KATNAL2: variants seen among roughly 807,000 people sequenced by gnomAD.
KATNAL2 encodes the protein katanin p60 ATPase-containing subunit A-like 2.
KATNAL2 carries 52 observed loss-of-function variants against 76.3 expected under a neutral mutation model. The ratio of observed to expected loss-of-function variants is 0.68; its 90% CI spans 0.55 to 0.86. The LOEUF (loss-of-function observed/expected upper bound fraction) is 0.86, where lower values mean the gene tolerates loss of function less well. Among genes scored for constraint, KATNAL2 ranks in the 40% least tolerant of loss-of-function variants. The pLI is 0.00. For synonymous variants in KATNAL2, 243 were observed against 244.2 expected (o/e 1.00, Z 0.05); for missense variants, 660 against 668.9 (o/e 0.99, Z 0.15).
chr18:47,034,235 G>C lies in KATNAL2; in HGVS notation c.52-12222G>C, dbSNP rs539553515. ...GGTGGCTTCCCCTCTTGAGTCTCTC[G>C]GTCGTTGGAAAGCTGCTCTTTCTCC... On this transcript the variant is annotated intron_variant, in intron 3 of 17. Transcript: ENST00000683218. 8 of 1,613,916 alleles carry C rather than the reference G, an allele frequency of 5.0e-6. No individual in the cohort carries two copies. In the East Asian group the frequency reaches 1.3e-4, roughly 27 times the overall value.
intron 15 of KATNAL2, among the ~76,000 whole-genome samples, chr18:47,084,694 C>G (rs1003706965): frequency 6.6e-6 from 1 of 151,524 alleles, no homozygotes; most frequent in African/African-American, 2.4e-5. Flanking sequence ...ACTAAAAATA[C>G]AAAAATTACC....
At chr18:46,952,393 GTT>G (rs35596537) in intron 3 of KATNAL2, among the ~76,000 whole-genome samples, 756 of 64,340 alleles carry the variant, frequency 0.012, 2 homozygotes, top group African/African-American at 0.046. Context: ...CTGCAGGTAT[GTT>G]TTTTTTTTTT....
At chr18:47,082,447 G>A (rs1455913946) in intron 15 of KATNAL2, among the ~76,000 whole-genome samples, 9 of 152,114 alleles carry the variant, frequency 5.9e-5, no homozygotes, top group African/African-American at 1.9e-4. Flanking sequence ...ATAGAGATAA[G>A]CTGACACATA....
chr18:47,032,758 A>G (rs1194084205), intron 3 of KATNAL2: 8 of 654,678 alleles, frequency 1.2e-5, no homozygotes, highest in Non-Finnish European at 1.3e-5. Flanking sequence ...GAACATCCAA[A>G]ATAGAATTGT....
At chr18:47,100,040 AG>A (rs1358356176) in intron 16 of KATNAL2, among the ~76,000 whole-genome samples, 1 of 152,196 alleles carries the variant, frequency 6.6e-6, no homozygotes, top group African/African-American at 2.4e-5. Flanking sequence ...CGATGGTGTT[AG>A]AAAGCCATTC....
chr18:46,931,642 G>A (rs2058925590), intron 1 of KATNAL2, among the ~76,000 whole-genome samples: 1 of 150,214 alleles, frequency 6.7e-6, no homozygotes, highest in Non-Finnish European at 1.5e-5. Flanking sequence ...AACAGAGCAA[G>A]ACTGTCAGAA....
At chr18:47,040,776 T>C (rs1199080299) in intron 3 of KATNAL2, among the ~76,000 whole-genome samples, 2 of 152,140 alleles carry the variant, frequency 1.3e-5, no homozygotes, top group Non-Finnish European at 2.9e-5. Flanking sequence ...TCTAAACAAA[T>C]AAAATTAAAT....
chr18:47,054,801 C>T (rs1486777374), intron 6 of KATNAL2, among the ~76,000 whole-genome samples: 2 of 152,198 alleles, frequency 1.3e-5, no homozygotes, highest in Non-Finnish European at 1.5e-5. Context: ...ACAGTGAGCA[C>T]CCAAGATATA....
intron 3 of KATNAL2, among the ~76,000 whole-genome samples, chr18:47,039,420 C>T (rs1051240632): frequency 2.0e-4 from 30 of 152,296 alleles, no homozygotes; most frequent in African/African-American, 7.0e-4. Flanking sequence ...TCCCATCCTC[C>T]CCAGTCCTCT....
At chr18:46,965,505 C>T (rs1331995321) in intron 3 of KATNAL2, among the ~76,000 whole-genome samples, 5 of 121,802 alleles carry the variant, frequency 4.1e-5, no homozygotes, top group African/African-American at 1.1e-4. Flanking sequence ...TTTCTGAAAA[C>T]GCTCTGCTAG....
chr18:47,047,724 T>TTC (rs906192106), intron 4 of KATNAL2, among the ~76,000 whole-genome samples: 20 of 152,156 alleles, frequency 1.3e-4, no homozygotes, highest in Non-Finnish European at 2.8e-4. Flanking sequence ...TACAAACTTT[T>TTC]TTTTTTTTGT....
At chr18:46,942,637 A>G (rs1297192665) in intron 1 of KATNAL2, among the ~76,000 whole-genome samples, 2 of 151,012 alleles carry the variant, frequency 1.3e-5, no homozygotes, top group African/African-American at 4.9e-5. Context: ...CAAACAAACA[A>G]AAGTTCATTT....
chr18:46,922,432 T>TA (rs749786180), intron 1 of KATNAL2, among the ~76,000 whole-genome samples: 4 of 151,946 alleles, frequency 2.6e-5, no homozygotes, highest in Non-Finnish European at 5.9e-5. Flanking sequence ...ATCACAAATT[T>TA]GTTTCTTCTC....
chr18:46,960,910 G>A (rs1181467395), intron 3 of KATNAL2, among the ~76,000 whole-genome samples: 2 of 152,202 alleles, frequency 1.3e-5, no homozygotes, highest in Non-Finnish European at 2.9e-5. Context: ...ATTTGGCTGG[G>A]AGTGTCAGCA....
At chr18:46,935,693 G>A (rs528927657) in intron 1 of KATNAL2, among the ~76,000 whole-genome samples, 15 of 152,234 alleles carry the variant, frequency 9.9e-5, no homozygotes, top group South Asian at 4.2e-4. Context: ...TGAGGTAGGC[G>A]GATCGCAAAG....
In KATNAL2 at chr18:47,071,953, C is replaced by CTT. The variant is rs574265545; in HGVS notation, c.1008+2390_1008+2391dup. 7.3e-3 allele frequency among the ~76,000 whole-genome samples: 322 copies of CTT among 43,942 alleles called. 56 individuals carry two copies. The highest frequency in any genetic ancestry group is 0.067 in the Middle Eastern group (2 of 30). The allele number at this position is 43,942 out of a possible 152,430, so 28.8% of individuals were successfully genotyped here. On this transcript the variant is annotated intron_variant, in intron 13 of 17. Transcript: ENST00000683218. ...GAAACAATTCCTCTCCCAATTTCTT[C>CTT]TTTTTTTTTTTTTTTTTTTTTTTTT...
chr18:47,070,394 G>A (rs968683802), intron 13 of KATNAL2, among the ~76,000 whole-genome samples: 9 of 152,200 alleles, frequency 5.9e-5, no homozygotes, highest in African/African-American at 1.4e-4. Flanking sequence ...CACGCCAAGC[G>A]ATTTTTTGCT....
chr18:47,065,807 C>T (rs752762683), intron 10 of KATNAL2, among the ~76,000 whole-genome samples: 4 of 151,554 alleles, frequency 2.6e-5, no homozygotes, highest in East Asian at 1.9e-4. Context: ...AGTGAGACTC[C>T]GTGTCTACAA....
intron 10 of KATNAL2, among the ~76,000 whole-genome samples, chr18:47,066,081 C>T (rs1267732042): frequency 6.6e-6 from 1 of 151,726 alleles, no homozygotes; most frequent in African/African-American, 2.4e-5. Flanking sequence ...GTAGCACAAA[C>T]ATCTCACCAG....
Sources: gnomAD v4.1 joint callset for allele counts (sites outside exome capture counted in the v4.1 genomes callset) on GRCh38, gnomAD v4.1.1 for gene constraint, MANE v1.5 for transcripts, NCBI Gene and HGNC (gene_info 2026-07-23, HGNC 2026-07-21) for gene names.